The following RASIP1 variants were observed in gnomAD, a reference collection of about 807,000 sequenced individuals.
The protein encoded by RASIP1 is Ras interacting protein 1.
RASIP1 carries 20 observed loss-of-function variants against 85.3 expected under a neutral mutation model. The observed-to-expected ratio is 0.23, with a 90% CI of 0.17 to 0.34. The LOEUF is 0.34. Ranked by LOEUF, RASIP1 falls within the 10% of genes least tolerant of loss-of-function variation. The pLI is 1.00. For missense variants in RASIP1, 1,170 were observed against 1,390.9 expected (o/e 0.84, Z 2.53); for synonymous variants, 617 against 647.1 (o/e 0.95, Z 0.71).
In RASIP1 at chr19:48,727,128, C is replaced by T; in HGVS notation, c.1902G>A (p.Leu634=). 3 of 1,614,120 alleles carry T rather than the reference C, an allele frequency of 1.9e-6. No homozygotes were observed. The highest frequency in any genetic ancestry group is 2.5e-6 in the Non-Finnish European group (3 of 1,180,034). Residue 634 remains leucine (L), a synonymous_variant, in exon 7 of 12, where the codon CTG becomes CTA. Transcript: ENST00000222145. ...NHPEGVPEVP[L]TPEAVSVELR... ...GCTCCACAGACACAGCTTCAGGAGT[C>T]AGGGGCACCTCGGGGACCCCCTCAG...
intron 6 of RASIP1, 110 bp from the exon 7 acceptor site, chr19:48,727,268 T>G: frequency 6.5e-7 from 1 of 1,546,822 alleles, no homozygotes; most frequent in Non-Finnish European, 8.8e-7. Context: ...ATTGCGCAGC[T>G]GGAAAAGTTG....
Position 48,729,276 on chromosome 19 carries a change from C to T in RASIP1, c.1494G>A (p.Ala498=). ...GGCGCGCGGGCAGCCACGGCGGCCTCGCAGGCCCCGAGCCCCCAGTGCGGG... is the reference window on the plus strand; with the variant it reads ...GGCGCGCGGGCAGCCACGGCGGCCTTGCAGGCCCCGAGCCCCCAGTGCGGG... ...KDPRTGGSGP[A]RPPWLPARPG... is the part of the protein sequence containing the mutation. The change falls in exon 5 of 12, where the codon GCG becomes GCA. Residue 498 remains alanine (A), a synonymous_variant. Coordinates refer to ENST00000222145, the MANE Select transcript of RASIP1 (RefSeq NM_017805.3). 1 of 1,523,128 alleles carries T rather than the reference C, an allele frequency of 6.6e-7. No homozygotes were observed. The highest frequency in any genetic ancestry group is 8.8e-7 in the Non-Finnish European group (1 of 1,137,850). 94.4% of individuals were successfully genotyped at this position (1,523,128 alleles called of 1,614,324 possible).
Position 48,729,254 on chromosome 19 carries a change from G to A in RASIP1, c.1516C>T (p.Arg506Cys), listed in dbSNP as rs1470457798. Residue 506 changes from arginine to cysteine, a missense_variant, in exon 5 of 12, where the codon CGC (arginine) becomes TGC (cysteine). Transcript: ENST00000222145. Reference protein sequence around the residue: ...GPARPPWLPARPGATPPGPGW... With the variant: ...GPARPPWLPACPGATPPGPGW... ...GGGCCTGGCGGCGTGGCCCCGGGGC[G>A]CGCGGGCAGCCACGGCGGCCTCGCA... 1.3e-5 allele frequency: 19 copies of A among 1,466,430 alleles called. No homozygotes were observed. Among genetic ancestry groups the A allele is most frequent in the Non-Finnish European group, 1.6e-5 (18 of 1,115,138 alleles). 90.8% of individuals were successfully genotyped at this position (1,466,430 alleles called of 1,614,324 possible).
chr19:48,740,072 G>A lies in RASIP1; in HGVS notation c.137+74C>T, dbSNP rs951574484. On this transcript the variant is annotated intron_variant, in intron 2 of 11. Coordinates refer to ENST00000222145, the MANE Select transcript of RASIP1 (RefSeq NM_017805.3). This position sits in a 1 kb window ranked among gnomAD's most constrained non-coding sequence, Gnocchi z 5.5. ...TGAGGACCGGAGCCAACACTTTGCA[G>A]GGACTGGGCAGTGAACAGGGACAGA... 6.8e-7 allele frequency: 1 copy of A among 1,469,656 alleles called. No homozygotes were observed. Among genetic ancestry groups the A allele is most frequent in the African/African-American group, 1.5e-5 (1 of 68,190 alleles). The allele number at this position is 1,469,656 out of a possible 1,614,324, so 91.0% of individuals were successfully genotyped here.
intron 3 of RASIP1, chr19:48,737,972 T>C (rs1277047302): frequency 1.0e-6 from 1 of 981,706 alleles, no homozygotes; most frequent in Non-Finnish European, 1.2e-6. Flanking sequence ...CGAGACGAAG[T>C]CTCGCTCTGT....
chr19:48,737,380 C>T (rs1208689286), intron 3 of RASIP1: 3 of 816,142 alleles, frequency 3.7e-6, no homozygotes, highest in Middle Eastern at 6.1e-4. Flanking sequence ...TGAGCAGACC[C>T]GTGCTTTCAA....
At chr19:48,730,844 C>T (rs2033443541) in intron 4 of RASIP1, among the ~76,000 whole-genome samples, 1 of 152,142 alleles carries the variant, frequency 6.6e-6, no homozygotes, top group Admixed American at 6.6e-5. Flanking sequence ...ACGGTGAAAC[C>T]TGTCTCTACT....
intron 8 of RASIP1, 110 bp downstream of exon 8, chr19:48,726,675 C>A (rs1189325681): frequency 5.9e-6 from 5 of 847,098 alleles, no homozygotes; most frequent in Non-Finnish European, 7.3e-6. Context: ...GACATCAGAG[C>A]CACACAGTGT....
chr19:48,740,499 C>T lies in RASIP1; in HGVS notation c.-5+22G>A. On this transcript the variant is annotated intron_variant, in intron 1 of 11. Coordinates refer to ENST00000222145, the MANE Select transcript of RASIP1 (RefSeq NM_017805.3). The surrounding 1 kb of genome is among the most constrained non-coding windows in gnomAD (Gnocchi z 5.5). ...GGGGCCCAGGGAGGAGGGGTTTGGG[C>T]TGCTGGGTCCCTGGCTCTTACCCTG... is the stretch of plus-strand genomic sequence containing the variant. 1.4e-6 allele frequency: 2 copies of T among 1,400,886 alleles called. No individual in the cohort carries two copies. The highest frequency in any genetic ancestry group is 1.8e-6 in the Non-Finnish European group (2 of 1,085,976). The allele number at this position is 1,400,886 out of a possible 1,614,324, so 86.8% of individuals were successfully genotyped here. A position where few individuals can be genotyped will look rare whatever the true frequency, so the allele number is the denominator to read the frequency against.
intron 4 of RASIP1, among the ~76,000 whole-genome samples, chr19:48,733,114 C>T (rs1270946524): frequency 6.6e-6 from 1 of 152,176 alleles, no homozygotes; most frequent in Non-Finnish European, 1.5e-5. Flanking sequence ...GCCTAGACCT[C>T]CCTGGGCTCA....
intron 4 of RASIP1, 30 bp downstream of exon 4, chr19:48,735,166 C>T (rs749879586): frequency 6.4e-7 from 1 of 1,571,974 alleles, no homozygotes; most frequent in Admixed American, 1.7e-5. Flanking sequence ...GTATAGGGCT[C>T]TGGGCGTGCG....
chr19:48,736,064 C>G (rs1042518704), intron 3 of RASIP1, among the ~76,000 whole-genome samples: 23 of 151,758 alleles, frequency 1.5e-4, no homozygotes, highest in African/African-American at 5.6e-4. Flanking sequence ...CCGTCTCAGC[C>G]TCCCAAAGTG....
intron 4 of RASIP1, among the ~76,000 whole-genome samples, chr19:48,732,398 C>T (rs2033476151): frequency 6.6e-6 from 1 of 151,678 alleles, no homozygotes; most frequent in Non-Finnish European, 1.5e-5. Flanking sequence ...TGGGACTACA[C>T]GTGCCCGCCA....
intron 8 of RASIP1, 29 bp downstream of exon 8, chr19:48,726,756 C>G: frequency 6.6e-7 from 1 of 1,522,612 alleles, no homozygotes; most frequent in South Asian, 1.2e-5. Context: ...GATGCTATGT[C>G]AAACAGGAAG....
Position 48,729,247 on chromosome 19 carries a change from C to T in RASIP1, c.1523G>A (p.Gly508Glu), listed in dbSNP as rs1191510551. ...CCAGCCAGGGCCTGGCGGCGTGGCC[C>T]CGGGGCGCGCGGGCAGCCACGGCGG... Reference protein sequence around the residue: ...ARPPWLPARPGATPPGPGWAF... With the variant: ...ARPPWLPARPEATPPGPGWAF... The change falls in exon 5 of 12, where the codon GGG (glycine) becomes GAG (glutamate). Residue 508 changes from glycine (G) to glutamate (E), a missense_variant. By Grantham distance (98) the Gly-to-Glu change is moderately conservative. Transcript: ENST00000222145. The T allele has an allele frequency of 1.5e-5, 21 of 1,445,626 alleles. No homozygotes were observed. Among genetic ancestry groups the T allele is most frequent in the East Asian group, 5.8e-5 (2 of 34,722 alleles). The allele number at this position is 1,445,626 out of a possible 1,614,324, so 89.5% of individuals were successfully genotyped here.
Position 48,721,908 on chromosome 19 carries a change from C to G in RASIP1, c.2638G>C (p.Gly880Arg), listed in dbSNP as rs746217873. The G allele has an allele frequency of 6.9e-6, 11 of 1,604,432 alleles. No homozygotes were observed. The Admixed American group carries it at 1.0e-4, about 15-fold the overall frequency. ...GGAGGGTCCCACGCGGCTGGCGGCCCGCGGCCAGGGCCCAGCTGATAGTGG... is the reference window on the plus strand; with the variant it reads ...GGAGGGTCCCACGCGGCTGGCGGCCGGCGGCCAGGGCCCAGCTGATAGTGG... ...LSHYQLGPGR[G>R]PPAAWDPPPA... The change falls in exon 11 of 12, where the codon GGG (glycine) becomes CGG (arginine). Residue 880 changes from glycine (G) to arginine (R), a missense_variant. Around this residue, in one of 4 missense-constraint regions of RASIP1, gnomAD observed 144 missense variants for 125.5 expected, o/e 1.15. Coordinates refer to ENST00000222145, the MANE Select transcript of RASIP1 (RefSeq NM_017805.3).
chr19:48,722,415 A>G (rs1219960109), intron 10 of RASIP1, among the ~76,000 whole-genome samples: 1 of 150,606 alleles, frequency 6.6e-6, no homozygotes, highest in Non-Finnish European at 1.5e-5. Context: ...TCCCGGCTCA[A>G]GTGATCCTGG....
intron 4 of RASIP1, among the ~76,000 whole-genome samples, chr19:48,731,984 T>C (rs1243776086): frequency 2.0e-5 from 3 of 152,118 alleles, no homozygotes; most frequent in Non-Finnish European, 4.4e-5. Flanking sequence ...GCAAACCAAA[T>C]GAATTCCTAC....
chr19:48,726,252 C>T (rs1385851299), intron 8 of RASIP1, among the ~76,000 whole-genome samples: 1 of 151,738 alleles, frequency 6.6e-6, no homozygotes, highest in Non-Finnish European at 1.5e-5. Flanking sequence ...GACAGAGTCT[C>T]GCTCCATCTC....
Sources: allele counts gnomAD v4.1 joint callset (sites outside exome capture counted in the v4.1 genomes callset), GRCh38; gene constraint gnomAD v4.1.1; regional missense constraint gnomAD v4.1.1; non-coding constraint Gnocchi (gnomAD v3.1); transcripts MANE v1.5; gene names NCBI Gene and HGNC (gene_info 2026-07-23, HGNC 2026-07-21).